STK32B: variants seen among roughly 807,000 people sequenced by gnomAD.
STK32B encodes serine/threonine-protein kinase 32B.
Under a neutral mutation model 52.6 loss-of-function variants are expected in STK32B, and 43 were observed. That is an observed-to-expected ratio of 0.82 (90% CI 0.64 to 1.05). STK32B has a LOEUF of 1.05. Ranked by LOEUF, STK32B falls within the 50% of genes least tolerant of loss-of-function variation. The pLI is 0.00. For synonymous variants in STK32B, 238 were observed against 204.3 expected, an observed-to-expected ratio of 1.17 and a Z score of -1.41; for missense variants, 621 against 534.6, an observed-to-expected ratio of 1.16 and a Z score of -1.59.
intron 11 of STK32B, among the ~76,000 whole-genome samples, chr4:5,497,827 G>A (rs1335562655): frequency 6.6e-6 from 1 of 152,040 alleles, no homozygotes; most frequent in African/African-American, 2.4e-5. Flanking sequence ...AGGCTTGCTG[G>A]GTGAAACAGC....
In STK32B at chr4:5,197,849, T is replaced by G. The variant is rs77682085; in HGVS notation, c.260+29399T>G. Among the ~76,000 whole-genome samples the G allele has an allele frequency of 6.0e-3, 914 of 152,334 alleles. 10 individuals carry two copies. The highest frequency in any genetic ancestry group is 0.052 in the East Asian group (269 of 5,192). ...ATGTTTAGGTTCCTTGCTCTTCAAT[T>G]ATGGTTAATGACATTATTCAATTTA... On this transcript the variant is annotated intron_variant, in intron 3 of 11. Coordinates refer to ENST00000282908, the MANE Select transcript of STK32B (RefSeq NM_018401.3).
intron 4 of STK32B, among the ~76,000 whole-genome samples, chr4:5,344,805 C>T (rs908574533): frequency 1.3e-5 from 2 of 151,936 alleles, no homozygotes; most frequent in African/African-American, 2.4e-5. Flanking sequence ...TTCAAAGACA[C>T]TTCGCATTTC....
At chr4:5,159,684 T>C (rs1285682018) in intron 2 of STK32B, among the ~76,000 whole-genome samples, 1 of 68,916 alleles carries the variant, frequency 1.5e-5, no homozygotes, top group East Asian at 5.1e-4. Context: ...AATATATATA[T>C]GAATATATAT....
At chr4:5,494,010 A>G (rs1485265316) in intron 11 of STK32B, among the ~76,000 whole-genome samples, 4 of 152,232 alleles carry the variant, frequency 2.6e-5, no homozygotes, top group African/African-American at 7.2e-5. Flanking sequence ...TATGTGGTCA[A>G]TTTTGGAATA....
intron 3 of STK32B, among the ~76,000 whole-genome samples, chr4:5,181,870 G>A (rs572686232): frequency 1.3e-5 from 2 of 152,352 alleles, no homozygotes; most frequent in East Asian, 1.9e-4. Context: ...ACAAGAAAGT[G>A]TGCCACAATG....
At chr4:5,023,147 T>G in the STK32B span, among the ~76,000 whole-genome samples, 17 of 152,154 alleles carry the variant, frequency 1.1e-4, no homozygotes, top group East Asian at 3.3e-3. Flanking sequence ...GCCTCTAGAA[T>G]GCAAAGAAAG....
intron 5 of STK32B, among the ~76,000 whole-genome samples, chr4:5,408,022 G>GA (rs762735396): frequency 9.1e-4 from 139 of 152,226 alleles, no homozygotes; most frequent in Non-Finnish European, 1.8e-3. Context: ...CCAGGAAGCA[G>GA]GCCCTCCACA....
intron 3 of STK32B, among the ~76,000 whole-genome samples, chr4:5,238,817 C>G (rs1302298211): frequency 6.6e-6 from 1 of 152,178 alleles, no homozygotes; most frequent in East Asian, 1.9e-4. Context: ...CACCACAAGG[C>G]ACAGATAAGC....
intron 4 of STK32B, among the ~76,000 whole-genome samples, chr4:5,356,461 C>A (rs1424148679): frequency 1.3e-5 from 2 of 152,158 alleles, no homozygotes; most frequent in African/African-American, 4.8e-5. Context: ...CCATTCAGCC[C>A]ACTACAATCA....
At chr4:5,481,525 T>A (rs1246929354) in intron 11 of STK32B, among the ~76,000 whole-genome samples, 1 of 152,200 alleles carries the variant, frequency 6.6e-6, no homozygotes, top group Non-Finnish European at 1.5e-5. Flanking sequence ...TTTCTCCCAT[T>A]CTCTAGGTTG....
intron 3 of STK32B, among the ~76,000 whole-genome samples, chr4:5,175,116 G>A (rs143288194): frequency 0.034 from 5,221 of 152,062 alleles, 123 homozygotes; most frequent in Admixed American, 0.059. Flanking sequence ...TTGTGCATTC[G>A]TCACGTAGTT....
chr4:5,271,131 T>C (rs1269095312), intron 3 of STK32B, among the ~76,000 whole-genome samples: 2 of 152,176 alleles, frequency 1.3e-5, no homozygotes, highest in East Asian at 3.9e-4. Context: ...AGAGATGGGG[T>C]TTCACCATGT....
At chr4:5,415,709 G>C (rs1712105908) in intron 5 of STK32B, among the ~76,000 whole-genome samples, 2 of 152,158 alleles carry the variant, frequency 1.3e-5, no homozygotes, top group African/African-American at 4.8e-5. Context: ...ACAGATAGTT[G>C]GCTGAGCAGC....
Position 5,444,037 on chromosome 4 carries a change from G to A in STK32B, c.563-2636G>A, listed in dbSNP as rs554581830. On this transcript the variant is annotated intron_variant, in intron 6 of 11. Coordinates refer to ENST00000282908, the MANE Select transcript of STK32B (RefSeq NM_018401.3). Reference sequence around the variant, plus strand: ...GACAGGGACATTTAAGTCTGCAGAGGTTACTACTGTCTTTTTGTTTGTCTG... The same window carrying A: ...GACAGGGACATTTAAGTCTGCAGAGATTACTACTGTCTTTTTGTTTGTCTG... Among the ~76,000 whole-genome samples the A allele has an allele frequency of 8.5e-5, 13 of 152,324 alleles. No homozygotes were observed. In the East Asian group the frequency reaches 2.5e-3, roughly 30 times the overall value.
At chr4:5,405,707 T>C (rs578158156) in intron 5 of STK32B, among the ~76,000 whole-genome samples, 1 of 152,086 alleles carries the variant, frequency 6.6e-6, no homozygotes, top group Non-Finnish European at 1.5e-5. Context: ...CACACTTTTA[T>C]AAACAACAAG....
At chr4:5,041,662 T>C in the STK32B span, among the ~76,000 whole-genome samples, 1 of 152,092 alleles carries the variant, frequency 6.6e-6, no homozygotes, top group Non-Finnish European at 1.5e-5. Flanking sequence ...ACATAAAGAC[T>C]CTTAACAATA....
chr4:5,329,671 C>T (rs1560324800), intron 3 of STK32B, among the ~76,000 whole-genome samples: 1 of 152,218 alleles, frequency 6.6e-6, no homozygotes, highest in Non-Finnish European at 1.5e-5. Context: ...CCAGTGTCCC[C>T]AGCACGTAGC....
intron 3 of STK32B, among the ~76,000 whole-genome samples, chr4:5,318,639 C>G (rs530710498): frequency 6.6e-6 from 1 of 152,134 alleles, no homozygotes; most frequent in South Asian, 2.1e-4. Flanking sequence ...TAGGTACTTT[C>G]AGACAAGGGA....
intron 1 of STK32B, among the ~76,000 whole-genome samples, chr4:5,074,192 G>A (rs10035031): frequency 7.6e-6 from 1 of 131,684 alleles, no homozygotes; most frequent in Non-Finnish European, 1.8e-5. Flanking sequence ...ATATATATGT[G>A]TGTGTGTGTG....
Sources: gnomAD v4.1 joint callset for allele counts (sites outside exome capture counted in the v4.1 genomes callset) on GRCh38, gnomAD v4.1.1 for gene constraint, MANE v1.5 for transcripts, NCBI Gene and HGNC (gene_info 2026-07-23, HGNC 2026-07-21) for gene names.